Variants in FBXL13 observed in about 807,000 individuals in gnomAD.
FBXL13 encodes the protein F-box and leucine-rich repeat protein 13.
In FBXL13, 67 loss-of-function variants were observed where a neutral mutation model predicts 83.6. The ratio of observed to expected loss-of-function variants is 0.80; its 90% confidence interval spans 0.66 to 0.98. The LOEUF is 0.98. FBXL13 is among the 50% of genes least tolerant of loss of function. The pLI is 0.00. For missense variants in FBXL13, 822 were observed against 866.5 expected (o/e 0.95, Z 0.64); for synonymous variants, 272 against 299.5 (o/e 0.91, Z 0.95).
intron 6 of FBXL13, among the ~76,000 whole-genome samples, chr7:102,992,758 C>T (rs2129484638): frequency 6.6e-6 from 1 of 152,258 alleles, no homozygotes; most frequent in African/African-American, 2.4e-5. Context: ...AGACATACGC[C>T]AGCACATCTG....
At chr7:102,986,970 T>A (rs1006772896) in intron 6 of FBXL13, among the ~76,000 whole-genome samples, 2 of 150,782 alleles carry the variant, frequency 1.3e-5, no homozygotes, top group African/African-American at 4.9e-5. Flanking sequence ...CACCATAGAA[T>A]ACTAAGCCAT....
Position 102,865,099 on chromosome 7 carries a change from T to C in FBXL13, c.1636-10239A>G, listed in dbSNP as rs142661834. The stretch of plus-strand genomic sequence containing the variant: ...ACTTAACAATGTGTATGATATATAG[T>C]TGACAATGAGTAAATATTTGTTGAG... On this transcript the variant is annotated intron_variant, in intron 16 of 19. Coordinates refer to ENST00000313221, the Ensembl canonical transcript of FBXL13. 3.8e-3 allele frequency among the ~76,000 whole-genome samples: 572 copies of C among 152,356 alleles called. 5 individuals carry two copies. Among genetic ancestry groups the C allele is most frequent in the African/African-American group, 0.014 (563 of 41,582 alleles).
At chr7:102,980,181 A>G (rs973013453) in intron 6 of FBXL13, among the ~76,000 whole-genome samples, 1 of 152,212 alleles carries the variant, frequency 6.6e-6, no homozygotes, top group Admixed American at 6.5e-5. Flanking sequence ...AAAAGAACAA[A>G]GTTGGAGGAC....
chr7:103,027,625 G>A, intron 4 of FBXL13, 67 bp from the exon 6 acceptor site: 1 of 972,668 alleles, frequency 1.0e-6, no homozygotes, highest in Admixed American at 2.3e-5. Flanking sequence ...AACACAAAGT[G>A]ATTTAATAGT....
At chr7:102,818,007 G>A (rs1253729049) in intron 19 of FBXL13, among the ~76,000 whole-genome samples, 1 of 152,176 alleles carries the variant, frequency 6.6e-6, no homozygotes, top group East Asian at 1.9e-4. Context: ...ACACTGTACT[G>A]AAGTTTGTTA....
chr7:103,038,263 C>T (rs1443497607), intron 2 of FBXL13, among the ~76,000 whole-genome samples: 1 of 152,206 alleles, frequency 6.6e-6, no homozygotes. Context: ...GGGCATCTGC[C>T]ATTGCTGAGG....
At chr7:102,853,483 C>G (rs1805570685) in intron 17 of FBXL13, among the ~76,000 whole-genome samples, 1 of 152,138 alleles carries the variant, frequency 6.6e-6, no homozygotes, top group African/African-American at 2.4e-5. Context: ...GTCTAAAACA[C>G]CAAAAGCAAT....
intron 6 of FBXL13, among the ~76,000 whole-genome samples, chr7:102,982,279 G>A (rs1828345127): frequency 6.6e-6 from 1 of 152,150 alleles, no homozygotes; most frequent in Non-Finnish European, 1.5e-5. Flanking sequence ...AGCAGCATAA[G>A]CTTATGGAAA....
At chr7:102,932,022 A>AG (rs1819277671) in intron 8 of FBXL13, 89 bp from the exon 10 acceptor site, 10 of 1,190,790 alleles carry the variant, frequency 8.4e-6, no homozygotes, top group Non-Finnish European at 1.2e-5. Context: ...CAATGTATTC[A>AG]TTAGAAAACA....
At chr7:102,982,330 A>C (rs987370004) in intron 6 of FBXL13, among the ~76,000 whole-genome samples, 2 of 152,196 alleles carry the variant, frequency 1.3e-5, no homozygotes, top group African/African-American at 4.8e-5. Flanking sequence ...TAGGGGTAAT[A>C]GTGAGTGTGC....
At chr7:102,924,647 T>C (rs953141909) in intron 10 of FBXL13, among the ~76,000 whole-genome samples, 1 of 148,924 alleles carries the variant, frequency 6.7e-6, no homozygotes, top group African/African-American at 2.5e-5. Flanking sequence ...TTTTCTTTTT[T>C]TTTTTTTTTT....
Position 102,904,387 on chromosome 7 carries a change from T to G in FBXL13, c.1008+8699A>C, listed in dbSNP as rs979936. Among the ~76,000 whole-genome samples, 2,393 of 152,116 alleles carry G rather than the reference T, an allele frequency of 0.016. 116 individuals carry two copies. The East Asian group carries it at 0.16, about 10-fold the overall frequency. ...ATTTATTTGGATCTTCTCTCTTTTA[T>G]TCTTTTTCTTTTTTTTTATACTTTA... On this transcript the variant is annotated intron_variant, in intron 11 of 19. Transcript: ENST00000313221.
At chr7:102,957,727 A>G (rs1027635411) in intron 8 of FBXL13, among the ~76,000 whole-genome samples, 1 of 152,198 alleles carries the variant, frequency 6.6e-6, no homozygotes, top group African/African-American at 2.4e-5. Flanking sequence ...TGGGCAAAGG[A>G]TATGAACAGA....
At chr7:102,896,705 C>T (rs1441877874) in intron 11 of FBXL13, among the ~76,000 whole-genome samples, 2 of 152,170 alleles carry the variant, frequency 1.3e-5, no homozygotes, top group Non-Finnish European at 2.9e-5. Context: ...TCCCTGTATG[C>T]TTGTGTCTGT....
intron 17 of FBXL13, among the ~76,000 whole-genome samples, chr7:102,846,358 C>T (rs186992633): frequency 7.2e-5 from 11 of 152,264 alleles, no homozygotes; most frequent in Admixed American, 3.9e-4. Flanking sequence ...GTGGCTGATG[C>T]CTATAATACT....
chr7:102,943,093 A>T (rs2129475802), intron 8 of FBXL13, among the ~76,000 whole-genome samples: 1 of 152,336 alleles, frequency 6.6e-6, no homozygotes, highest in South Asian at 2.1e-4. Flanking sequence ...ATAGTTTGCC[A>T]AAATACAACC....
At chr7:102,957,990 G>A (rs556530257) in intron 8 of FBXL13, among the ~76,000 whole-genome samples, 4 of 152,142 alleles carry the variant, frequency 2.6e-5, no homozygotes, top group Non-Finnish European at 5.9e-5. Context: ...ATTCCTCAAG[G>A]ATCCAGAACT....
intron 1 of FBXL13, among the ~76,000 whole-genome samples, chr7:103,067,035 T>C (rs2129503717): frequency 6.6e-6 from 1 of 152,182 alleles, no homozygotes; most frequent in Non-Finnish European, 1.5e-5. Flanking sequence ...TCTGCCCGCC[T>C]CGGCCTCCCA....
intron 11 of FBXL13, among the ~76,000 whole-genome samples, chr7:102,912,161 T>C (rs1290963765): frequency 6.8e-6 from 1 of 146,628 alleles, no homozygotes; most frequent in African/African-American, 2.8e-5. Flanking sequence ...TCAACCACCC[T>C]GAGCCTTGGT....
Sources: allele counts gnomAD v4.1 joint callset (sites outside exome capture counted in the v4.1 genomes callset), GRCh38; gene constraint gnomAD v4.1.1; transcripts MANE v1.5; gene names NCBI Gene and HGNC (gene_info 2026-07-23, HGNC 2026-07-21).